CELSR1: variants seen among roughly 807,000 people sequenced by gnomAD.
CELSR1 encodes cadherin EGF LAG seven-pass G-type receptor 1.
In CELSR1, 110 loss-of-function variants were observed where a neutral mutation model predicts 249.1. That is an observed-to-expected ratio of 0.44 (90% CI 0.38 to 0.52). The LOEUF (loss-of-function observed/expected upper bound fraction) is 0.52. Among genes scored for constraint, CELSR1 ranks in the 20% least tolerant of loss-of-function variants. The probability of loss-of-function intolerance (pLI) is 0.00; values close to 1 mark genes in which losing one functional copy is unlikely to be tolerated. For synonymous variants in CELSR1, 2,113 were observed against 1,900.0 expected (o/e 1.11, Z -2.92); for missense variants, 4,109 against 4,296.4 (o/e 0.96, Z 1.22).
At chr22:46,424,576 A>ACCC (rs2079516368) in intron 5 of CELSR1, among the ~76,000 whole-genome samples, 1 of 152,032 alleles carries the variant, frequency 6.6e-6, no homozygotes, top group Non-Finnish European at 1.5e-5. Flanking sequence ...CACTACAAGG[A>ACCC]CCCTGCCTGT....
chr22:46,396,677 C>A lies in CELSR1; in HGVS notation c.5771G>T (p.Arg1924Leu). The change falls in exon 13 of 35, where the codon CGC (arginine) becomes CTC (leucine). Residue 1924 changes from arginine (R) to leucine (L), a missense_variant. This residue lies in a region of CELSR1 where 1,805 missense variants were observed against 1,831.6 expected (regional missense o/e 0.99). Coordinates refer to ENST00000674500, the MANE Select transcript of CELSR1 (RefSeq NM_001378328.1). The surrounding 1 kb of genome is among the most constrained non-coding windows in gnomAD (Gnocchi z 6.4). ...NPCENMGACV[R>L]SPGSPQGYVC... ...GTAGCCCTGCGGGGAGCCGGGGGAGCGCACGCAGGCCCCCATGTTCTCGCA... is the reference window on the plus strand; with the variant it reads ...GTAGCCCTGCGGGGAGCCGGGGGAGAGCACGCAGGCCCCCATGTTCTCGCA... The A allele has an allele frequency of 5.0e-6, 8 of 1,612,570 alleles. No homozygotes were observed. Among genetic ancestry groups the A allele is most frequent in the Non-Finnish European group, 6.8e-6 (8 of 1,179,424 alleles).
At position 46,519,872 on chromosome 22, in the gene CELSR1, C is replaced by CTTT. The variant is rs369906485; in HGVS notation, c.3544+13752_3544+13754dup. 5.8e-4 allele frequency among the ~76,000 whole-genome samples: 80 copies of CTTT among 138,884 alleles called. 1 individual carries two copies. The highest frequency in any genetic ancestry group is 3.7e-3 in the Middle Eastern group (1 of 268). 91.1% of individuals were successfully genotyped at this position (138,884 alleles called of 152,430 possible). ...TATAGTTCAGTACCTACCCCTATTG[C>CTTT]TTTTTTTTTTTTTTTTCTGAGACAG... On this transcript the variant is annotated intron_variant, in intron 1 of 34. Coordinates refer to ENST00000674500, the MANE Select transcript of CELSR1 (RefSeq NM_001378328.1).
rs1260434398 is a variant in CELSR1 at position 46,413,128 on chromosome 22, TA to T, written c.4612-1370del. Reference sequence around the variant, plus strand: ...TATAAAACGTGGAAATAGATCGTTGTAAAAACGTAGAATTTAATTAAATCAT... The same window carrying T: ...TATAAAACGTGGAAATAGATCGTTGTAAAACGTAGAATTTAATTAAATCAT... On this transcript the variant is annotated intron_variant, in intron 5 of 34. Coordinates refer to ENST00000674500, the MANE Select transcript of CELSR1 (RefSeq NM_001378328.1). The surrounding 1 kb of genome is among the most constrained non-coding windows in gnomAD (Gnocchi z 4.7). Among the ~76,000 whole-genome samples the T allele has an allele frequency of 1.3e-5, 2 of 152,252 alleles. No homozygotes were observed. Among genetic ancestry groups the T allele is most frequent in the Non-Finnish European group, 2.9e-5 (2 of 68,048 alleles).
Position 46,398,556 on chromosome 22 carries a change from A to G in CELSR1, c.5494T>C (p.Ser1832Pro). Residue 1832 changes from serine (S) to proline (P), a missense_variant, in exon 11 of 35, where the codon TCC (serine) becomes CCC (proline). By Grantham distance (74) the Ser-to-Pro change is moderately conservative (BLOSUM62 -1). Coordinates refer to ENST00000674500, the MANE Select transcript of CELSR1 (RefSeq NM_001378328.1). This position sits in a 1 kb window ranked among gnomAD's most constrained non-coding sequence, Gnocchi z 7.2. ...CAGCCTCGGAATCCACGGCGCACGGAGACCTTGTCTTCAGAGGCGCCTCCG... is the reference window on the plus strand; with the variant it reads ...CAGCCTCGGAATCCACGGCGCACGGGGACCTTGTCTTCAGAGGCGCCTCCG... ...VVGGASEDKV[S>P]VRRGFRGCMQ... The G allele has an allele frequency of 6.2e-7, 1 of 1,612,140 alleles. No homozygotes were observed. The highest frequency in any genetic ancestry group is 2.2e-5 in the East Asian group (1 of 44,754).
rs1024691208 is a variant in CELSR1, at chr22:46,429,827, T to C, written c.4611+3566A>G. ...TTCTTTCTGGGCTCCAATCTGCCCT[T>C]TCCCTTGATGCTCTAGGACTAAGGG... On this transcript the variant is annotated intron_variant, in intron 5 of 34. Coordinates refer to ENST00000674500, the MANE Select transcript of CELSR1 (RefSeq NM_001378328.1). This position sits in a 1 kb window ranked among gnomAD's most constrained non-coding sequence, Gnocchi z 4.1. Among the ~76,000 whole-genome samples, 18 of 152,266 alleles carry C rather than the reference T, an allele frequency of 1.2e-4. No homozygotes were observed. Among genetic ancestry groups the C allele is most frequent in the African/African-American group, 4.1e-4 (17 of 41,480 alleles).
At position 46,445,774 on chromosome 22, in the gene CELSR1, C is replaced by T. The variant is rs114118871; in HGVS notation, c.4184-6363G>A. On this transcript the variant is annotated intron_variant, in intron 2 of 34. Transcript: ENST00000674500. The surrounding 1 kb of genome is among the most constrained non-coding windows in gnomAD (Gnocchi z 4.4). ...GCCTGGCTGGCAGAGCCTTTCCCGTCGATGCTTCGGAGGTGGAAGCGTCCA... is the reference window on the plus strand; with the variant it reads ...GCCTGGCTGGCAGAGCCTTTCCCGTTGATGCTTCGGAGGTGGAAGCGTCCA... 5.7e-3 allele frequency among the ~76,000 whole-genome samples: 862 copies of T among 152,288 alleles called. 8 individuals carry two copies. The highest frequency in any genetic ancestry group is 0.019 in the African/African-American group (809 of 41,570).
At chr22:46,372,798 A>G in intron 25 of CELSR1, 85 bp downstream of exon 25, 1 of 1,480,108 alleles carries the variant, frequency 6.8e-7, no homozygotes, top group Non-Finnish European at 9.1e-7. Flanking sequence ...CTGGGCAGGG[A>G]AGAGAAAGGA....
At chr22:46,457,055 G>C (rs953511572) in intron 2 of CELSR1, among the ~76,000 whole-genome samples, 1 of 152,118 alleles carries the variant, frequency 6.6e-6, no homozygotes, top group Non-Finnish European at 1.5e-5. Context: ...GGGAGCACCC[G>C]ACACTCCCGA....
chr22:46,495,820 A>AAT (rs914439487), intron 1 of CELSR1, among the ~76,000 whole-genome samples: 2 of 152,092 alleles, frequency 1.3e-5, no homozygotes, highest in African/African-American at 4.8e-5. Context: ...CATCTCAAAA[A>AAT]ATATATTTTT....
chr22:46,537,567 C>A lies in CELSR1; in HGVS notation c.-397G>T, dbSNP rs1200655032. On this transcript the variant is annotated 5_prime_UTR_variant, in exon 1 of 35. Coordinates refer to ENST00000674500, the MANE Select transcript of CELSR1 (RefSeq NM_001378328.1). This position sits in a 1 kb window ranked among gnomAD's most constrained non-coding sequence, Gnocchi z 5.8. ...GGCTGAGTTCCCGGAGCGGGCTGGGCAGCTCCGCGCCGCGCAGACCCCGGC... is the reference window on the plus strand; with the variant it reads ...GGCTGAGTTCCCGGAGCGGGCTGGGAAGCTCCGCGCCGCGCAGACCCCGGC... Among the ~76,000 whole-genome samples, 2 of 147,186 alleles carry A rather than the reference C, an allele frequency of 1.4e-5. No individual in the cohort carries two copies. The highest frequency in any genetic ancestry group is 1.5e-5 in the Non-Finnish European group (1 of 66,118).
At position 46,390,709 on chromosome 22, in the gene CELSR1, A is replaced by G. The variant is rs1192948932; in HGVS notation, c.6251-223T>C. 6.6e-6 allele frequency among the ~76,000 whole-genome samples: 1 copy of G among 152,218 alleles called. No homozygotes were observed. On this transcript the variant is annotated intron_variant, in intron 16 of 34. Coordinates refer to ENST00000674500, the MANE Select transcript of CELSR1 (RefSeq NM_001378328.1). This position sits in a 1 kb window ranked among gnomAD's most constrained non-coding sequence, Gnocchi z 6.3. ...CAGGCGTTTCGGGAGCCCAGCCAAC[A>G]GGAGCCAGCACTTCCGAGCAAGTCC...
Position 46,411,177 on chromosome 22 carries a change from C to T in CELSR1, c.4769+425G>A, listed in dbSNP as rs2079330229. Among the ~76,000 whole-genome samples, 3 of 152,094 alleles carry T rather than the reference C, an allele frequency of 2.0e-5. No individual in the cohort carries two copies. Among genetic ancestry groups the T allele is most frequent in the African/African-American group, 7.2e-5 (3 of 41,416 alleles). On this transcript the variant is annotated intron_variant, in intron 6 of 34. Coordinates refer to ENST00000674500, the MANE Select transcript of CELSR1 (RefSeq NM_001378328.1). This position sits in a 1 kb window ranked among gnomAD's most constrained non-coding sequence, Gnocchi z 4.2. ...TCGTGCCACTGCACTCCAGCCTGGGCAACAGAGCGAGACCCCATCTCAGAA... is the reference window on the plus strand; with the variant it reads ...TCGTGCCACTGCACTCCAGCCTGGGTAACAGAGCGAGACCCCATCTCAGAA...
At chr22:46,520,554 C>T (rs906996457) in intron 1 of CELSR1, among the ~76,000 whole-genome samples, 2 of 152,092 alleles carry the variant, frequency 1.3e-5, no homozygotes, top group African/African-American at 4.8e-5. Context: ...TCCTCCTCCC[C>T]AGTTCAAGCA....
At position 46,427,755 on chromosome 22, in the gene CELSR1, A is replaced by C. The variant is rs2079551952; in HGVS notation, c.4611+5638T>G. On this transcript the variant is annotated intron_variant, in intron 5 of 34. Coordinates refer to ENST00000674500, the MANE Select transcript of CELSR1 (RefSeq NM_001378328.1). The surrounding 1 kb of genome is among the most constrained non-coding windows in gnomAD (Gnocchi z 4.2). ...GTAATTGGCACTCAATTAACATGGA[A>C]GGGAGAGAAGGAGGGAGGGAAAGGG... is the stretch of plus-strand genomic sequence containing the variant. 6.6e-6 allele frequency among the ~76,000 whole-genome samples: 1 copy of C among 151,378 alleles called. No homozygotes were observed. The highest frequency in any genetic ancestry group is 1.5e-5 in the Non-Finnish European group (1 of 68,034).
In CELSR1 at chr22:46,536,268, G is replaced by A. The variant is rs762900819; in HGVS notation, c.903C>T (p.Ala301=). The A allele has an allele frequency of 1.2e-6, 2 of 1,612,450 alleles. No individual in the cohort carries two copies. The highest frequency in any genetic ancestry group is 1.1e-5 in the South Asian group (1 of 91,066). ...CGCTGTCCGTGCTCACGGCGCCCGT[G>A]GCAGAGTCGATTCGGAAGTAGCCCC... The part of the protein sequence containing the change: ...RSRGYFRIDS[A]TGAVSTDSVL... Residue 301 remains alanine (A), a synonymous_variant, in exon 1 of 35, where the codon GCC becomes GCT. Coordinates refer to ENST00000674500, the MANE Select transcript of CELSR1 (RefSeq NM_001378328.1).
At position 46,536,883 on chromosome 22, in the gene CELSR1, A is replaced by T. The variant is rs1228089353; in HGVS notation, c.288T>A (p.Ser96Arg). Residue 96 changes from serine (S) to arginine (R), a missense_variant, in exon 1 of 35, where the codon AGT becomes AGA. Around this residue, in one of 7 missense-constraint regions of CELSR1, gnomAD observed 673 missense variants for 636.8 expected, o/e 1.06. Transcript: ENST00000674500. ...GGCGGCGGCTCAGCGCCGTCGGGGC[A>T]CTGCGGGCCACCAAGCGGACTTGCA... ...LPLQVRLVAR[S>R]APTALSRRLR... The T allele has an allele frequency of 1.6e-6, 2 of 1,225,280 alleles. No homozygotes were observed. The highest frequency in any genetic ancestry group is 3.2e-5 in the African/African-American group (2 of 62,026). The allele number at this position is 1,225,280 out of a possible 1,614,324, so 75.9% of individuals were successfully genotyped here. A position where few individuals can be genotyped will look rare whatever the true frequency, so the allele number is the denominator to read the frequency against.
At chr22:46,414,729 C>T (rs1366610288) in intron 5 of CELSR1, among the ~76,000 whole-genome samples, 2 of 152,224 alleles carry the variant, frequency 1.3e-5, no homozygotes, top group African/African-American at 4.8e-5. Flanking sequence ...AGACGGGGGT[C>T]CCCAAAGCAT....
At position 46,490,535 on chromosome 22, in the gene CELSR1, C is replaced by T. The variant is rs544337726; in HGVS notation, c.3545-26190G>A. On this transcript the variant is annotated intron_variant, in intron 1 of 34. Transcript: ENST00000674500. The surrounding 1 kb of genome is among the most constrained non-coding windows in gnomAD (Gnocchi z 5.2). ...CTCCTGACCGCAGGCGAGCCGCCCC[C>T]CTCCGCCTCCCAAAATGTTGAGATC... 1.0e-3 allele frequency among the ~76,000 whole-genome samples: 152 copies of T among 152,162 alleles called. No individual in the cohort carries two copies. The highest frequency in any genetic ancestry group is 3.7e-3 in the African/African-American group (152 of 41,500).
chr22:46,535,226 C>T lies in CELSR1; in HGVS notation c.1945G>A (p.Glu649Lys), dbSNP rs1176040370. The part of the protein sequence containing the change: ...ITVCAELDRE[E>K]VEHYSFGVEA... ...ACCCCGAAGCTGTAGTGCTCCACCT[C>T]CTCGCGGTCCAGCTCGGCACACACT... The change falls in exon 1 of 35, where the codon GAG becomes AAG. Residue 649 changes from glutamate to lysine, a missense_variant. Transcript: ENST00000674500. 1 of 1,609,680 alleles carries T rather than the reference C, an allele frequency of 6.2e-7. No homozygotes were observed. Among genetic ancestry groups the T allele is most frequent in the Non-Finnish European group, 8.5e-7 (1 of 1,179,974 alleles).
Sources: gnomAD v4.1 joint callset for allele counts (sites outside exome capture counted in the v4.1 genomes callset) on GRCh38, gnomAD v4.1.1 for gene constraint, gnomAD v4.1.1 regional missense constraint, Gnocchi (gnomAD v3.1) non-coding constraint, MANE v1.5 for transcripts, NCBI Gene and HGNC (gene_info 2026-07-23, HGNC 2026-07-21) for gene names.